TACR1: variants seen among roughly 807,000 people sequenced by gnomAD.
The protein encoded by TACR1 is tachykinin receptor 1, also known as substance-P receptor.
In TACR1, 25 loss-of-function variants were observed where a neutral mutation model predicts 35.8. The ratio of observed to expected loss-of-function variants is 0.70; its 90% CI spans 0.51 to 0.98. The LOEUF is 0.98. Ranked by LOEUF, TACR1 falls within the 50% of genes least tolerant of loss-of-function variation. The pLI is 0.00. For synonymous variants in TACR1, 195 were observed against 206.7 expected (o/e 0.94, Z 0.48); for missense variants, 478 against 522.9 (o/e 0.91, Z 0.84).
intron 1 of TACR1, among the ~76,000 whole-genome samples, chr2:75,122,363 C>T (rs944227904): frequency 1.3e-5 from 2 of 152,176 alleles, no homozygotes; most frequent in African/African-American, 4.8e-5. Context: ...ATGAAGGCTT[C>T]CTTGAGCATC....
At chr2:75,125,057 G>T (rs533261783) in intron 1 of TACR1, among the ~76,000 whole-genome samples, 53 of 152,240 alleles carry the variant, frequency 3.5e-4, no homozygotes, top group African/African-American at 1.2e-3. Flanking sequence ...TTCACAACTT[G>T]GCCCAGTCAT....
At chr2:75,153,286 C>T (rs978830352) in intron 1 of TACR1, among the ~76,000 whole-genome samples, 2 of 152,186 alleles carry the variant, frequency 1.3e-5, no homozygotes, top group Admixed American at 6.5e-5. Context: ...CTGAGTCTAA[C>T]AAGATGCTAT....
chr2:75,132,709 T>A (rs1674201598), intron 1 of TACR1, among the ~76,000 whole-genome samples: 1 of 152,224 alleles, frequency 6.6e-6, no homozygotes, highest in Non-Finnish European at 1.5e-5. Flanking sequence ...GATGCCTTGT[T>A]GAAGGTGGGT....
chr2:75,109,222 C>T (rs1407104453), intron 2 of TACR1, among the ~76,000 whole-genome samples: 1 of 152,066 alleles, frequency 6.6e-6, no homozygotes, highest in African/African-American at 2.4e-5. Context: ...AGCTCGCGGG[C>T]CAATGTGCAC....
chr2:75,151,415 T>A (rs963400629), intron 1 of TACR1, among the ~76,000 whole-genome samples: 1 of 152,202 alleles, frequency 6.6e-6, no homozygotes, highest in Non-Finnish European at 1.5e-5. Flanking sequence ...CAGCTGTGGC[T>A]GAAAGGGGCC....
intron 2 of TACR1, among the ~76,000 whole-genome samples, chr2:75,116,534 G>T (rs1673863364): frequency 6.6e-6 from 1 of 151,992 alleles, no homozygotes; most frequent in African/African-American, 2.4e-5. Flanking sequence ...ATGTGAATGG[G>T]TTTTTTTTAG....
chr2:75,139,890 C>T (rs920832202), intron 1 of TACR1, among the ~76,000 whole-genome samples: 3 of 152,084 alleles, frequency 2.0e-5, no homozygotes, highest in Admixed American at 1.3e-4. Context: ...ATGCAACAGC[C>T]CTGGTCAGCC....
chr2:75,104,508 G>C (rs373779034), intron 2 of TACR1, among the ~76,000 whole-genome samples: 2 of 151,922 alleles, frequency 1.3e-5, no homozygotes, highest in African/African-American at 4.8e-5. Context: ...AGGAAACATA[G>C]GACTTGAAAC....
intron 1 of TACR1, among the ~76,000 whole-genome samples, chr2:75,124,737 A>G (rs1215441429): frequency 6.6e-6 from 1 of 152,246 alleles, no homozygotes; most frequent in African/African-American, 2.4e-5. Context: ...TTTATTTACA[A>G]AAACAGGAGG....
chr2:75,164,609 A>G (rs1030495312), intron 1 of TACR1, among the ~76,000 whole-genome samples: 4 of 152,206 alleles, frequency 2.6e-5, no homozygotes, highest in African/African-American at 9.7e-5. Flanking sequence ...GGGCTCAGGC[A>G]GTTTGAAAGG....
At chr2:75,170,325 G>T (rs2104015023) in intron 1 of TACR1, among the ~76,000 whole-genome samples, 1 of 152,276 alleles carries the variant, frequency 6.6e-6, no homozygotes, top group East Asian at 1.9e-4. Flanking sequence ...ACATGACTTT[G>T]CTACTCATTT....
At chr2:75,111,829 A>C (rs990157123) in intron 2 of TACR1, among the ~76,000 whole-genome samples, 1 of 152,038 alleles carries the variant, frequency 6.6e-6, no homozygotes, top group Non-Finnish European at 1.5e-5. Flanking sequence ...GTGGTTGTCC[A>C]TAAAGTGGTA....
At chr2:75,145,230 T>A (rs1413863541) in intron 1 of TACR1, among the ~76,000 whole-genome samples, 1 of 152,122 alleles carries the variant, frequency 6.6e-6, no homozygotes, top group Non-Finnish European at 1.5e-5. Flanking sequence ...AATAGAATAA[T>A]ATGTCTTTAA....
rs753278208 is a variant in TACR1 at position 75,051,280 on chromosome 2, G to A, written c.903C>T (p.Asn301=). The part of the protein sequence containing the change: ...MWLAMSSTMY[N]PIIYCCLNDR... ...CATTGAGGCAGCAGTAGATGATGGG[G>A]TTGTACATGGTGGAGCTCATGGCCA... Residue 301 remains asparagine, a synonymous_variant, in exon 4 of 5, where the codon AAC becomes AAT. Coordinates refer to ENST00000305249, the MANE Select transcript of TACR1 (RefSeq NM_001058.4). 3.1e-6 allele frequency: 5 copies of A among 1,614,210 alleles called. No homozygotes were observed. In the East Asian group the frequency reaches 6.7e-5, roughly 22 times the overall value.
intron 2 of TACR1, among the ~76,000 whole-genome samples, chr2:75,115,536 T>G (rs1186697874): frequency 6.6e-6 from 1 of 152,134 alleles, no homozygotes; most frequent in Non-Finnish European, 1.5e-5. Context: ...AGCAAACCGT[T>G]GAAGACAATC....
Position 75,198,548 on chromosome 2 carries a change from A to C in TACR1, c.387T>G (p.Asp129Glu), listed in dbSNP as rs1483790281. Residue 129 changes from aspartate (D) to glutamate (E), a missense_variant and splice_region_variant, in exon 1 of 5, where the codon GAT (aspartate) becomes GAG (glutamate). Coordinates refer to ENST00000305249, the MANE Select transcript of TACR1 (RefSeq NM_001058.4). ...CTTTTCACAAAGGCTAATCTCACCT[A>C]TCAAAGGCCACAGCCGTCATGGAGT... The part of the protein sequence containing the change: ...SIYSMTAVAF[D>E]RYMAIIHPLQ... 1.9e-6 allele frequency: 3 copies of C among 1,612,058 alleles called. No homozygotes were observed. The highest frequency in any genetic ancestry group is 2.7e-5 in the African/African-American group (2 of 74,866).
intron 2 of TACR1, among the ~76,000 whole-genome samples, chr2:75,064,573 C>T (rs147991506): frequency 0.011 from 1,611 of 152,130 alleles, 29 homozygotes; most frequent in African/African-American, 0.037. Flanking sequence ...GAAAGAGGGG[C>T]GAGAAAGAGT....
At chr2:75,193,450 G>C (rs188880783) in intron 1 of TACR1, among the ~76,000 whole-genome samples, 1 of 151,926 alleles carries the variant, frequency 6.6e-6, no homozygotes, top group African/African-American at 2.4e-5. Flanking sequence ...GTTTCTTGTC[G>C]GGCATTCCAA....
intron 2 of TACR1, among the ~76,000 whole-genome samples, chr2:75,058,511 T>TAACAGC (rs2103792296): frequency 6.6e-6 from 1 of 152,278 alleles, no homozygotes; most frequent in East Asian, 1.9e-4. Flanking sequence ...TAAGTGAACA[T>TAACAGC]AACAGCAACA....
Sources: gnomAD v4.1 joint callset for allele counts (sites outside exome capture counted in the v4.1 genomes callset) on GRCh38, gnomAD v4.1.1 for gene constraint, MANE v1.5 for transcripts, NCBI Gene and HGNC (gene_info 2026-07-23, HGNC 2026-07-21) for gene names.